CNOT6L: variants seen among roughly 807,000 people sequenced by gnomAD.
CNOT6L encodes CCR4-NOT transcription complex subunit 6 like.
Under a neutral mutation model 64.0 loss-of-function variants are expected in CNOT6L, and 7 were observed. That is an observed-to-expected ratio of 0.11 (90% CI 0.06 to 0.21). The LOEUF (loss-of-function observed/expected upper bound fraction) is 0.21, where lower values mean the gene tolerates loss of function less well. Ranked by LOEUF, CNOT6L falls within the 10% of genes least tolerant of loss-of-function variation. The probability of loss-of-function intolerance (pLI) is 1.00; values close to 1 mark genes in which losing one functional copy is unlikely to be tolerated. For missense variants in CNOT6L, 245 were observed against 669.0 expected (o/e 0.37, Z 6.99); for synonymous variants, 193 against 243.4 (o/e 0.79, Z 1.93).
intron 1 of CNOT6L, among the ~76,000 whole-genome samples, chr4:77,792,251 C>G (rs1032687571): frequency 6.6e-6 from 1 of 151,878 alleles, no homozygotes; most frequent in African/African-American, 2.4e-5. Flanking sequence ...TGTTAACCAC[C>G]GATAACCTCC....
chr4:77,813,757 G>A (rs2110187650), intron 1 of CNOT6L, among the ~76,000 whole-genome samples: 1 of 152,204 alleles, frequency 6.6e-6, no homozygotes, highest in South Asian at 2.1e-4. Flanking sequence ...AACAATTGTT[G>A]GCATGAAGTG....
intron 1 of CNOT6L, among the ~76,000 whole-genome samples, chr4:77,817,499 A>G (rs974010464): frequency 1.4e-4 from 22 of 152,232 alleles, no homozygotes; most frequent in Admixed American, 1.4e-3. Flanking sequence ...ACTACATGCC[A>G]AACATATGTT....
At chr4:77,819,073 CA>C (rs1318252021) in intron 1 of CNOT6L, 1 of 739,832 alleles carries the variant, frequency 1.4e-6, no homozygotes, top group Non-Finnish European at 2.3e-6. Flanking sequence ...CACACACACA[CA>C]CCCCGGAACC....
intron 4 of CNOT6L, among the ~76,000 whole-genome samples, chr4:77,758,905 C>T (rs1725856446): frequency 1.3e-5 from 2 of 152,048 alleles, no homozygotes; most frequent in Non-Finnish European, 2.9e-5. Context: ...CTTAACAGAC[C>T]TAGAGTAAGA....
intron 8 of CNOT6L, among the ~76,000 whole-genome samples, chr4:77,738,250 T>C (rs1157080258): frequency 4.6e-5 from 7 of 152,174 alleles, no homozygotes; most frequent in African/African-American, 1.7e-4. Flanking sequence ...GTTTTCATCT[T>C]TCCCTTTCTC....
intron 11 of CNOT6L, among the ~76,000 whole-genome samples, chr4:77,724,663 AT>A (rs1478965394): frequency 6.6e-6 from 1 of 150,482 alleles, no homozygotes; most frequent in Non-Finnish European, 1.5e-5. Context: ...AAAAAGGGCT[AT>A]GTGAAATAGA....
At chr4:77,804,002 G>GT (rs1389272382) in intron 1 of CNOT6L, among the ~76,000 whole-genome samples, 3 of 152,102 alleles carry the variant, frequency 2.0e-5, no homozygotes, top group South Asian at 2.1e-4. Context: ...ACAGAAATAC[G>GT]TATGACCCAG....
At position 77,716,419 on chromosome 4, in the gene CNOT6L, T is replaced by A. The variant is rs1720753613; in HGVS notation, c.*4012A>T. On this transcript the variant is annotated 3_prime_UTR_variant, in exon 12 of 12. Transcript: ENST00000504123. Reference sequence around the variant, plus strand: ...TAATGATGTGGTTATATGCCTCTGGTTCTTCAAAGAATGTATTTAGCCTAT... The same window carrying A: ...TAATGATGTGGTTATATGCCTCTGGATCTTCAAAGAATGTATTTAGCCTAT... 1 of 152,130 alleles carries A rather than the reference T, an allele frequency of 6.6e-6. No individual in the cohort carries two copies. Among genetic ancestry groups the A allele is most frequent in the Admixed American group, 6.6e-5 (1 of 15,232 alleles). The allele number at this position is 152,130 out of a possible 1,614,324, so 9.4% of individuals were successfully genotyped here.
At chr4:77,757,228 C>T (rs2110002000) in intron 4 of CNOT6L, among the ~76,000 whole-genome samples, 1 of 152,144 alleles carries the variant, frequency 6.6e-6, no homozygotes, top group African/African-American at 2.4e-5. Context: ...CAACCTGGCA[C>T]CTTGAAGTAA....
intron 1 of CNOT6L, among the ~76,000 whole-genome samples, chr4:77,813,267 C>A (rs1560441959): frequency 7.0e-6 from 1 of 142,438 alleles, no homozygotes. Context: ...AAGTAAATAT[C>A]TGTGGCCTTA....
intron 1 of CNOT6L, among the ~76,000 whole-genome samples, chr4:77,788,455 C>G (rs537647112): frequency 3.9e-5 from 6 of 152,174 alleles, no homozygotes; most frequent in Non-Finnish European, 7.3e-5. Context: ...CGGCCAGGCA[C>G]CATGGCTCAC....
chr4:77,816,266 A>G (rs1218126794), intron 1 of CNOT6L, among the ~76,000 whole-genome samples: 1 of 152,142 alleles, frequency 6.6e-6, no homozygotes, highest in Non-Finnish European at 1.5e-5. Flanking sequence ...TCCCAAATTA[A>G]AAAATATATA....
intron 1 of CNOT6L, among the ~76,000 whole-genome samples, chr4:77,804,858 A>G (rs991671717): frequency 2.0e-5 from 3 of 152,236 alleles, no homozygotes; most frequent in African/African-American, 7.2e-5. Flanking sequence ...AATTTTTAAA[A>G]AAGTATACAC....
At chr4:77,763,001 G>T (rs1726411173) in intron 4 of CNOT6L, among the ~76,000 whole-genome samples, 2 of 151,896 alleles carry the variant, frequency 1.3e-5, no homozygotes, top group African/African-American at 4.8e-5. Context: ...TATATTCAAG[G>T]CACCATTTCA....
intron 1 of CNOT6L, among the ~76,000 whole-genome samples, chr4:77,784,826 C>T (rs940337542): frequency 2.0e-5 from 3 of 152,120 alleles, no homozygotes; most frequent in Admixed American, 1.3e-4. Context: ...TCTTTCTCCT[C>T]TGATACGTAC....
chr4:77,772,270 T>C (rs1432463448), intron 4 of CNOT6L, among the ~76,000 whole-genome samples: 1 of 152,168 alleles, frequency 6.6e-6, no homozygotes, highest in Non-Finnish European at 1.5e-5. Context: ...TTCGCTCTTG[T>C]TGCCCAGGCT....
intron 1 of CNOT6L, among the ~76,000 whole-genome samples, chr4:77,784,551 G>A (rs1009759417): frequency 1.3e-5 from 2 of 149,450 alleles, no homozygotes; most frequent in African/African-American, 2.5e-5. Flanking sequence ...AGGCTGGAGT[G>A]CAGTGTGGTG....
At chr4:77,802,042 C>T (rs1052841483) in intron 1 of CNOT6L, among the ~76,000 whole-genome samples, 2 of 152,160 alleles carry the variant, frequency 1.3e-5, no homozygotes, top group African/African-American at 4.8e-5. Context: ...ACAGTTTATA[C>T]ATAATTTTAA....
chr4:77,819,053 CA>C, intron 1 of CNOT6L: 1 of 658,964 alleles, frequency 1.5e-6, no homozygotes, highest in Non-Finnish European at 2.7e-6. Flanking sequence ...ACCCCCGACA[CA>C]CACACACACA....
Sources: gnomAD v4.1 joint callset for allele counts (sites outside exome capture counted in the v4.1 genomes callset) on GRCh38, gnomAD v4.1.1 for gene constraint, MANE v1.5 for transcripts, NCBI Gene and HGNC (gene_info 2026-07-23, HGNC 2026-07-21) for gene names.